Variants in RRAS2 observed in about 807,000 individuals in gnomAD.
RRAS2 encodes the protein RAS related 2.
A neutral mutation model predicts 27.6 loss-of-function variants in RRAS2; 7 were observed. The ratio of observed to expected loss-of-function variants is 0.25; its 90% CI spans 0.14 to 0.48. RRAS2 has a LOEUF of 0.48. Among genes scored for constraint, RRAS2 ranks in the 20% least tolerant of loss-of-function variants. The pLI is 0.99. For missense variants in RRAS2, 178 were observed against 256.2 expected (o/e 0.69, Z 2.08); for synonymous variants, 86 against 90.9 (o/e 0.95, Z 0.31).
At chr11:14,349,437 C>G (rs782020181) in intron 1 of RRAS2, among the ~76,000 whole-genome samples, 3 of 151,238 alleles carry the variant, frequency 2.0e-5, no homozygotes, top group Non-Finnish European at 4.4e-5. Context: ...GCTGGGATTA[C>G]AGGTGTCAGC....
In RRAS2 at chr11:14,343,214, T is replaced by C. The variant is rs568072207; in HGVS notation, c.108+15549A>G. On this transcript the variant is annotated intron_variant, in intron 1 of 5. Coordinates refer to ENST00000256196, the MANE Select transcript of RRAS2 (RefSeq NM_012250.6). ...ACTACAAAGAAATAGACACTAAATA[T>C]ATACTTTGCAATGATTTGAGGAAGG... Among the ~76,000 whole-genome samples the C allele has an allele frequency of 5.3e-5, 8 of 152,338 alleles. No individual in the cohort carries two copies. In the East Asian group the frequency reaches 1.2e-3, roughly 22 times the overall value.
chr11:14,335,297 A>T (rs561146070), intron 1 of RRAS2, among the ~76,000 whole-genome samples: 2 of 152,132 alleles, frequency 1.3e-5, no homozygotes, highest in Non-Finnish European at 2.9e-5. Context: ...AGCTTCAAAA[A>T]TCCTTACTTT....
intron 1 of RRAS2, among the ~76,000 whole-genome samples, chr11:14,300,735 C>G (rs1554947265): frequency 1.3e-5 from 2 of 152,058 alleles, no homozygotes; most frequent in African/African-American, 4.8e-5. Flanking sequence ...AGGAGAACTG[C>G]CAACTCAGTA....
intron 1 of RRAS2, among the ~76,000 whole-genome samples, chr11:14,317,883 A>C (rs529860348): frequency 2.6e-5 from 4 of 152,310 alleles, no homozygotes; most frequent in African/African-American, 9.6e-5. Context: ...GTGAGCTACG[A>C]TTGCACCACT....
chr11:14,297,873 T>C (rs1847596084), intron 1 of RRAS2, among the ~76,000 whole-genome samples: 1 of 152,152 alleles, frequency 6.6e-6, no homozygotes, highest in South Asian at 2.1e-4. Flanking sequence ...CATGATGTAT[T>C]GAACAAAGTC....
chr11:14,280,194 T>C (rs1026163416), intron 5 of RRAS2, among the ~76,000 whole-genome samples: 7 of 152,108 alleles, frequency 4.6e-5, no homozygotes, highest in African/African-American at 1.7e-4. Flanking sequence ...AATTTGATGG[T>C]ATCAAGTATA....
At chr11:14,280,131 G>C (rs1554944086) in intron 5 of RRAS2, among the ~76,000 whole-genome samples, 1 of 151,982 alleles carries the variant, frequency 6.6e-6, no homozygotes, top group African/African-American at 2.4e-5. Flanking sequence ...TGGGAAAGGG[G>C]GGTAAAATAC....
intron 1 of RRAS2, among the ~76,000 whole-genome samples, chr11:14,312,920 C>T (rs1429585134): frequency 2.6e-5 from 4 of 152,182 alleles, no homozygotes; most frequent in Non-Finnish European, 2.9e-5. Flanking sequence ...TCCCTCCAAA[C>T]CACATGCCTG....
At position 14,358,538 on chromosome 11, in the gene RRAS2, C is replaced by G. The variant is rs1235549515; in HGVS notation, c.108+225G>C. The G allele has an allele frequency of 1.0e-6, 1 of 986,224 alleles. No homozygotes were observed. Among genetic ancestry groups the G allele is most frequent in the Non-Finnish European group, 1.2e-6 (1 of 830,734 alleles). The allele number at this position is 986,224 out of a possible 1,614,324, so 61.1% of individuals were successfully genotyped here. A position where few individuals can be genotyped will look rare whatever the true frequency, so the allele number is the denominator to read the frequency against. ...CAGCTCCGCCCTCCCGACCACATTC[C>G]TGAGAAGCCCTACTCCCGCGACGCC... On this transcript the variant is annotated intron_variant, in intron 1 of 5. Coordinates refer to ENST00000256196, the MANE Select transcript of RRAS2 (RefSeq NM_012250.6). This position sits in a 1 kb window ranked among gnomAD's most constrained non-coding sequence, Gnocchi z 5.1.
intron 1 of RRAS2, chr11:14,341,832 A>G (rs781974834): frequency 1.8e-5 from 8 of 454,538 alleles, no homozygotes; most frequent in Admixed American, 1.6e-4. Flanking sequence ...GAAACAAAAC[A>G]TTTGTAATAT....
intron 1 of RRAS2, among the ~76,000 whole-genome samples, chr11:14,310,880 T>C (rs975187481): frequency 6.6e-6 from 1 of 152,206 alleles, no homozygotes; most frequent in African/African-American, 2.4e-5. Context: ...CTGCTTTCCT[T>C]CCCAGCCTTG....
At chr11:14,285,105 T>C (rs781899999) in intron 4 of RRAS2, among the ~76,000 whole-genome samples, 3 of 152,244 alleles carry the variant, frequency 2.0e-5, no homozygotes, top group Non-Finnish European at 4.4e-5. Context: ...GTTAGCTGAG[T>C]TGTTTTTATG....
intron 1 of RRAS2, chr11:14,356,873 C>T (rs57689403): frequency 1.1e-4 from 43 of 398,008 alleles, no homozygotes; most frequent in African/African-American, 8.7e-4. Context: ...CTACAATCTC[C>T]GCCTCCCGGG....
chr11:14,335,149 C>G (rs1554952420), intron 1 of RRAS2, among the ~76,000 whole-genome samples: 1 of 152,208 alleles, frequency 6.6e-6, no homozygotes, highest in Non-Finnish European at 1.5e-5. Context: ...TGATTTGTGT[C>G]TCTAGTTCTC....
chr11:14,319,855 T>TG (rs1848188718), intron 1 of RRAS2, among the ~76,000 whole-genome samples: 1 of 152,192 alleles, frequency 6.6e-6, no homozygotes, highest in African/African-American at 2.4e-5. Flanking sequence ...AAAAGTTGTG[T>TG]GATCAAAACA....
upstream of RRAS2, among the ~76,000 whole-genome samples, chr11:14,363,953 C>T (rs1420856446): frequency 6.6e-6 from 1 of 151,964 alleles, no homozygotes; most frequent in Non-Finnish European, 1.5e-5. Flanking sequence ...GCCTGTAATC[C>T]CAGCTACTCG....
chr11:14,358,916 C>A lies in RRAS2; in HGVS notation c.-46G>T. 2 of 1,306,586 alleles carry A rather than the reference C, an allele frequency of 1.5e-6. No homozygotes were observed. The highest frequency in any genetic ancestry group is 1.8e-5 in the South Asian group (1 of 54,210). 80.9% of individuals were successfully genotyped at this position (1,306,586 alleles called of 1,614,324 possible). A position where few individuals can be genotyped will look rare whatever the true frequency, so the allele number is the denominator to read the frequency against. On this transcript the variant is annotated 5_prime_UTR_variant, in exon 1 of 6. Coordinates refer to ENST00000256196, the MANE Select transcript of RRAS2 (RefSeq NM_012250.6). The surrounding 1 kb of genome is among the most constrained non-coding windows in gnomAD (Gnocchi z 5.1). Reference sequence around the variant, plus strand: ...CCTGACTGCGCCGAGCCGCCGCTGCCGCCCGCCCTAGGCCCGGCTCCGGGG... The same window carrying A: ...CCTGACTGCGCCGAGCCGCCGCTGCAGCCCGCCCTAGGCCCGGCTCCGGGG...
At chr11:14,317,405 C>T (rs1848131657) in intron 1 of RRAS2, among the ~76,000 whole-genome samples, 1 of 152,106 alleles carries the variant, frequency 6.6e-6, no homozygotes, top group African/African-American at 2.4e-5. Context: ...CATGGTGAAA[C>T]CCCATCTTTA....
intron 1 of RRAS2, among the ~76,000 whole-genome samples, chr11:14,346,110 T>A (rs1320632469): frequency 6.6e-6 from 1 of 152,308 alleles, no homozygotes; most frequent in East Asian, 1.9e-4. Context: ...GGGCACTAAA[T>A]ATGTTTTGGA....
Sources: gnomAD v4.1 joint callset for allele counts (sites outside exome capture counted in the v4.1 genomes callset) on GRCh38, gnomAD v4.1.1 for gene constraint, Gnocchi (gnomAD v3.1) non-coding constraint, MANE v1.5 for transcripts, NCBI Gene and HGNC (gene_info 2026-07-23, HGNC 2026-07-21) for gene names.